ARMC2: variants seen among roughly 807,000 people sequenced by gnomAD.
ARMC2 encodes armadillo repeat-containing protein 2.
A neutral mutation model predicts 90.3 loss-of-function variants in ARMC2; 67 were observed. That is an observed-to-expected ratio of 0.74 (90% CI 0.61 to 0.91). The LOEUF is 0.91. ARMC2 is among the 40% of genes least tolerant of loss of function. The probability of loss-of-function intolerance (pLI) is 0.00; values close to 1 mark genes in which losing one functional copy is unlikely to be tolerated. For synonymous variants in ARMC2, 393 were observed against 393.0 expected (o/e 1.00, Z 0.00); for missense variants, 920 against 1,030.9 (o/e 0.89, Z 1.47).
chr6:108,946,132 C>T (rs1257104446), intron 12 of ARMC2, among the ~76,000 whole-genome samples: 1 of 152,216 alleles, frequency 6.6e-6, no homozygotes, highest in East Asian at 1.9e-4. Flanking sequence ...GCCGGCTTTG[C>T]CCTTGTGGAA....
intron 11 of ARMC2, among the ~76,000 whole-genome samples, chr6:108,932,824 G>A (rs905205061): frequency 5.3e-5 from 8 of 152,002 alleles, no homozygotes; most frequent in African/African-American, 1.4e-4. Context: ...CACTGCGCCC[G>A]GCCTCCATTG....
intron 13 of ARMC2, among the ~76,000 whole-genome samples, chr6:108,959,161 A>G (rs1777804073): frequency 6.6e-6 from 1 of 152,172 alleles, no homozygotes; most frequent in East Asian, 1.9e-4. Flanking sequence ...TACTGGGCCT[A>G]TGCTTGCTGC....
At chr6:108,944,424 T>C (rs1247869609) in intron 12 of ARMC2, among the ~76,000 whole-genome samples, 1 of 152,150 alleles carries the variant, frequency 6.6e-6, no homozygotes, top group Admixed American at 6.5e-5. Context: ...TTGAAAAAGG[T>C]GCTCATCACA....
At chr6:109,026,760 C>T in the ARMC2 span, among the ~76,000 whole-genome samples, 1 of 152,308 alleles carries the variant, frequency 6.6e-6, no homozygotes, top group Non-Finnish European at 1.5e-5. Context: ...GCCTCAGCCT[C>T]CCAAAGTGCT....
chr6:108,932,279 T>G (rs1775619115), intron 11 of ARMC2, among the ~76,000 whole-genome samples: 1 of 151,880 alleles, frequency 6.6e-6, no homozygotes, highest in Non-Finnish European at 1.5e-5. Flanking sequence ...TTGTTGCATT[T>G]GCTTTTAGTG....
chr6:108,911,546 A>G (rs370781691), intron 9 of ARMC2, among the ~76,000 whole-genome samples: 18 of 152,286 alleles, frequency 1.2e-4, no homozygotes, highest in African/African-American at 3.8e-4. Flanking sequence ...ACAAGAAAAG[A>G]AAATACAAAG....
At chr6:108,901,870 A>G (rs187296085) in intron 7 of ARMC2, among the ~76,000 whole-genome samples, 26 of 152,330 alleles carry the variant, frequency 1.7e-4, no homozygotes, top group African/African-American at 4.8e-4. Context: ...ATCATTTGTC[A>G]CGTCTCTTTC....
the ARMC2 span, among the ~76,000 whole-genome samples, chr6:109,044,311 CAAAAAAAAAAAAAAAAA>C: frequency 0.04 from 1,129 of 28,404 alleles, 20 homozygotes; most frequent in Non-Finnish European, 0.046. Context: ...GAACTTGCCT[CAAAAAAAAAAAAAAAAA>C]AAAAAAAAAA....
chr6:108,892,856 C>T lies in ARMC2; in HGVS notation c.672-1611C>T, dbSNP rs1771227819. On this transcript the variant is annotated intron_variant, in intron 5 of 17. Transcript: ENST00000392644. ...TCAGGGCGGTAGGAAAGGCCAAGGG[C>T]TAAGCTGCAACATGGCATAGTCACT... Among the ~76,000 whole-genome samples, 3 of 152,038 alleles carry T rather than the reference C, an allele frequency of 2.0e-5. No homozygotes were observed. The South Asian group carries it at 6.2e-4, about 32-fold the overall frequency.
At chr6:109,004,011 G>A in the ARMC2 span, among the ~76,000 whole-genome samples, 1,328 of 152,202 alleles carry the variant, frequency 8.7e-3, 24 homozygotes, top group African/African-American at 0.03. Flanking sequence ...TGGGACTTTA[G>A]TATACGAAAA....
At chr6:108,864,618 T>C (rs1775623950) in intron 3 of ARMC2, among the ~76,000 whole-genome samples, 1 of 152,188 alleles carries the variant, frequency 6.6e-6, no homozygotes, top group African/African-American at 2.4e-5. Context: ...TGTTTGTGTG[T>C]GTGTGTTCTG....
At chr6:108,989,678 T>C in the ARMC2 span, among the ~76,000 whole-genome samples, 1 of 152,080 alleles carries the variant, frequency 6.6e-6, no homozygotes, top group Non-Finnish European at 1.5e-5. Flanking sequence ...ACTTTACTCA[T>C]GTTTCTAGGA....
intron 5 of ARMC2, among the ~76,000 whole-genome samples, chr6:108,882,883 A>C (rs2128445736): frequency 6.6e-6 from 1 of 152,382 alleles, no homozygotes; most frequent in East Asian, 1.9e-4. Flanking sequence ...AAGAAGAAAA[A>C]TATTAAGACA....
chr6:108,939,420 G>A (rs1428180914), intron 12 of ARMC2, among the ~76,000 whole-genome samples: 1 of 152,074 alleles, frequency 6.6e-6, no homozygotes, highest in Non-Finnish European at 1.5e-5. Flanking sequence ...CTGTTCTCGT[G>A]GTAGTGAGTG....
At chr6:108,998,779 T>C in the ARMC2 span, 2 of 1,587,468 alleles carry the variant, frequency 1.3e-6, no homozygotes, top group Admixed American at 1.8e-5. Flanking sequence ...AAAAAAAGAA[T>C]ATATTTTTGT....
chr6:109,029,959 T>C, the ARMC2 span, among the ~76,000 whole-genome samples: 3 of 152,214 alleles, frequency 2.0e-5, no homozygotes, highest in Non-Finnish European at 4.4e-5. Flanking sequence ...TTAGACATTA[T>C]TAACATGACA....
chr6:108,864,996 A>ATT (rs1461117640), intron 3 of ARMC2, among the ~76,000 whole-genome samples: 1 of 115,406 alleles, frequency 8.7e-6, no homozygotes, highest in East Asian at 2.5e-4. Flanking sequence ...TTCTCAAGTG[A>ATT]ATTTTTTTTT....
intron 3 of ARMC2, among the ~76,000 whole-genome samples, chr6:108,863,068 G>T (rs527316608): frequency 3.9e-5 from 6 of 152,272 alleles, no homozygotes; most frequent in African/African-American, 1.2e-4. Flanking sequence ...GATTGCTCAG[G>T]CCCTGCCCTC....
the ARMC2 span, chr6:109,008,656 G>T: frequency 2.5e-6 from 1 of 397,368 alleles, no homozygotes; most frequent in Non-Finnish European, 3.4e-6. Flanking sequence ...CAAATTTAAG[G>T]TTCGAGTTTT....
Sources: gnomAD v4.1 joint callset for allele counts (sites outside exome capture counted in the v4.1 genomes callset) on GRCh38, gnomAD v4.1.1 for gene constraint, MANE v1.5 for transcripts, NCBI Gene and HGNC (gene_info 2026-07-23, HGNC 2026-07-21) for gene names.